The following PARD3 variants were observed in gnomAD, a reference collection of about 807,000 sequenced individuals.
The protein encoded by PARD3 is partitioning defective 3 homolog.
Under a neutral mutation model 155.4 loss-of-function variants are expected in PARD3, and 75 were observed. The observed-to-expected ratio is 0.48, with a 90% CI of 0.40 to 0.58. The LOEUF (loss-of-function observed/expected upper bound fraction) is 0.58. PARD3 is among the 20% of genes least tolerant of loss of function. The pLI is 0.00. For missense variants in PARD3, 1,642 were observed against 1,721.7 expected, an observed-to-expected ratio of 0.95 and a Z score of 0.82; for synonymous variants, 576 against 610.5, an observed-to-expected ratio of 0.94 and a Z score of 0.83.
Position 34,374,927 on chromosome 10 carries a change from T to C in PARD3, c.1615A>G (p.Thr539Ala), listed in dbSNP as rs757414749. Reference protein sequence around the residue: ...SLLRSTKMEGTVSLLVFRQED... With the variant: ...SLLRSTKMEGAVSLLVFRQED... ...TGGCGAAAGACCAGAAGGCTCACAG[T>C]TCCTTCCATCTTGGTGCTTCTCAAC... is the stretch of plus-strand genomic sequence containing the variant. The change falls in exon 11 of 25, where the codon ACT becomes GCT. Residue 539 changes from threonine to alanine, a missense_variant. This residue lies in a region of PARD3 where 1,529 missense variants were observed against 1,587.3 expected (regional missense o/e 0.96). Coordinates refer to ENST00000374788, the MANE Select transcript of PARD3 (RefSeq NM_001184785.2). The C allele has an allele frequency of 4.3e-6, 7 of 1,613,718 alleles. No individual in the cohort carries two copies. The African/African-American group carries it at 5.3e-5, about 12-fold the overall frequency.
chr10:34,754,516 T>C (rs1035384159), intron 1 of PARD3, among the ~76,000 whole-genome samples: 1 of 152,234 alleles, frequency 6.6e-6, no homozygotes, highest in Non-Finnish European at 1.5e-5. Flanking sequence ...CACACCCACA[T>C]GGCTACACAG....
chr10:34,261,335 T>C (rs925340581), intron 22 of PARD3, among the ~76,000 whole-genome samples: 12 of 152,200 alleles, frequency 7.9e-5, no homozygotes, highest in African/African-American at 2.9e-4. Context: ...TAAAGTGTAC[T>C]AAACTTTCCA....
At chr10:34,617,928 C>A (rs2091373596) in intron 2 of PARD3, among the ~76,000 whole-genome samples, 1 of 152,060 alleles carries the variant, frequency 6.6e-6, no homozygotes. Flanking sequence ...CTTTTAAAAC[C>A]TACAGTTTGT....
chr10:34,362,909 T>A (rs886640753), intron 12 of PARD3, among the ~76,000 whole-genome samples: 1 of 152,236 alleles, frequency 6.6e-6, no homozygotes, highest in Non-Finnish European at 1.5e-5. Flanking sequence ...ACAACATCAA[T>A]ACACATCATA....
intron 5 of PARD3, among the ~76,000 whole-genome samples, chr10:34,425,276 T>C (rs527709603): frequency 2.8e-4 from 43 of 152,252 alleles, no homozygotes; most frequent in African/African-American, 9.9e-4. Flanking sequence ...AGACCCCTTC[T>C]TTCACCAACA....
At chr10:34,772,676 T>C (rs1839036286) in intron 1 of PARD3, among the ~76,000 whole-genome samples, 1 of 148,404 alleles carries the variant, frequency 6.7e-6, no homozygotes, top group Admixed American at 6.8e-5. Flanking sequence ...CGCCTGTAAC[T>C]CCAGCTACTC....
At chr10:34,648,450 CT>C (rs1333946945) in intron 2 of PARD3, among the ~76,000 whole-genome samples, 10 of 152,124 alleles carry the variant, frequency 6.6e-5, no homozygotes, top group East Asian at 5.8e-4. Context: ...TGGCCCCCAA[CT>C]TTTTTTTGGC....
At chr10:34,219,718 T>C (rs1952183677) in intron 22 of PARD3, among the ~76,000 whole-genome samples, 1 of 152,228 alleles carries the variant, frequency 6.6e-6, no homozygotes, top group Admixed American at 6.5e-5. Context: ...AATCTCTTAG[T>C]CATTTTGTCC....
chr10:34,718,149 CAAAAAAAAA>C (rs71033340), intron 1 of PARD3, among the ~76,000 whole-genome samples: 1 of 82,758 alleles, frequency 1.2e-5, no homozygotes, highest in Admixed American at 1.3e-4. Context: ...GACTCCATCT[CAAAAAAAAA>C]AAAAAAAAAA....
rs2094241694 is a variant in PARD3, at chr10:34,699,857, AGAGT to A, written c.121-3442_121-3439del. Among the ~76,000 whole-genome samples, 7 of 152,296 alleles carry A rather than the reference AGAGT, an allele frequency of 4.6e-5. 1 individual carries two copies. Among genetic ancestry groups the A allele is most frequent in the Admixed American group, 3.9e-4 (6 of 15,304 alleles). ...ATCACTGCACTCCAGCCTGGGCAAC[AGAGT>A]GAGGCCCCGTCTCTTAGGGGGAAGA... On this transcript the variant is annotated intron_variant, in intron 1 of 24. Coordinates refer to ENST00000374788, the MANE Select transcript of PARD3 (RefSeq NM_001184785.2).
chr10:34,551,052 T>C (rs1002690660), intron 2 of PARD3, among the ~76,000 whole-genome samples: 6 of 152,178 alleles, frequency 3.9e-5, no homozygotes, highest in African/African-American at 7.2e-5. Flanking sequence ...ACACTAATTC[T>C]GTAAATGCAA....
chr10:34,633,681 A>T (rs1043984612), intron 2 of PARD3, among the ~76,000 whole-genome samples: 4 of 152,214 alleles, frequency 2.6e-5, no homozygotes, highest in South Asian at 4.1e-4. Flanking sequence ...CAAATCTTTC[A>T]GGTAAACACC....
chr10:34,309,164 G>A (rs1431775751), intron 20 of PARD3, among the ~76,000 whole-genome samples: 1 of 152,178 alleles, frequency 6.6e-6, no homozygotes, highest in Non-Finnish European at 1.5e-5. Context: ...GTGGGCAAGA[G>A]GACATGAGAT....
At chr10:34,306,638 A>G (rs1454301843) in intron 20 of PARD3, among the ~76,000 whole-genome samples, 3 of 151,948 alleles carry the variant, frequency 2.0e-5, no homozygotes, top group Non-Finnish European at 4.4e-5. Flanking sequence ...AACAAGAGCA[A>G]AACTCCATCT....
chr10:34,221,323 G>A (rs1425404753), intron 22 of PARD3, among the ~76,000 whole-genome samples: 2 of 151,578 alleles, frequency 1.3e-5, no homozygotes, highest in African/African-American at 4.8e-5. Flanking sequence ...AGGGAAGCCT[G>A]GGAGTTCCGC....
chr10:34,172,322 A>G (rs185813744), intron 22 of PARD3, among the ~76,000 whole-genome samples: 5 of 152,316 alleles, frequency 3.3e-5, no homozygotes, highest in Admixed American at 1.3e-4. Context: ...AGAATCACTC[A>G]TCCATAGTAC....
At chr10:34,160,838 G>C (rs1377233588) in intron 22 of PARD3, among the ~76,000 whole-genome samples, 1 of 152,212 alleles carries the variant, frequency 6.6e-6, no homozygotes, top group African/African-American at 2.4e-5. Flanking sequence ...GAAAAGGAGT[G>C]AAGTGCCTTT....
chr10:34,754,951 C>T (rs1468313716), intron 1 of PARD3, among the ~76,000 whole-genome samples: 2 of 152,202 alleles, frequency 1.3e-5, no homozygotes, highest in African/African-American at 2.4e-5. Flanking sequence ...CACAAGGACA[C>T]AAGACTACGT....
chr10:34,425,324 C>T (rs577517345), intron 5 of PARD3, among the ~76,000 whole-genome samples: 59 of 152,292 alleles, frequency 3.9e-4, no homozygotes, highest in African/African-American at 1.3e-3. Context: ...ACTTTCACAA[C>T]CAGAACCCAA....
Sources: gnomAD v4.1 joint callset for allele counts (sites outside exome capture counted in the v4.1 genomes callset) on GRCh38, gnomAD v4.1.1 for gene constraint, gnomAD v4.1.1 regional missense constraint, MANE v1.5 for transcripts, NCBI Gene and HGNC (gene_info 2026-07-23, HGNC 2026-07-21) for gene names.